Variants in ASPH observed in about 807,000 individuals in gnomAD.
The protein encoded by ASPH is aspartyl/asparaginyl beta-hydroxylase.
Under a neutral mutation model 118.4 loss-of-function variants are expected in ASPH, and 100 were observed. The ratio of observed to expected loss-of-function variants is 0.84; its 90% CI spans 0.72 to 1.00. The LOEUF (loss-of-function observed/expected upper bound fraction) is 1.00, where lower values mean the gene tolerates loss of function less well. ASPH is among the 50% of genes least tolerant of loss of function. The probability of loss-of-function intolerance (pLI) is 0.00; values close to 1 mark genes in which losing one functional copy is unlikely to be tolerated. For synonymous variants in ASPH, 315 were observed against 325.6 expected, an observed-to-expected ratio of 0.97 and a Z score of 0.35; for missense variants, 920 against 919.5, an observed-to-expected ratio of 1.00 and a Z score of -0.01.
chr8:61,650,614 T>C (rs921444009), intron 5 of ASPH, among the ~76,000 whole-genome samples: 6 of 152,218 alleles, frequency 3.9e-5, no homozygotes, highest in Non-Finnish European at 5.9e-5. Context: ...ACGTTTTTTT[T>C]CCTGTCTGCT....
intron 1 of ASPH, among the ~76,000 whole-genome samples, chr8:61,687,003 T>A (rs1326262098): frequency 6.6e-6 from 1 of 152,064 alleles, no homozygotes; most frequent in Non-Finnish European, 1.5e-5. Context: ...ATACCCAAGA[T>A]GATATTATTT....
chr8:61,564,965 C>T (rs1831184922), intron 17 of ASPH, among the ~76,000 whole-genome samples: 1 of 152,318 alleles, frequency 6.6e-6, no homozygotes, highest in South Asian at 2.1e-4. Flanking sequence ...TAGCTCCTTC[C>T]CTCCATGTTG....
intron 17 of ASPH, among the ~76,000 whole-genome samples, chr8:61,564,304 T>G (rs1830914122): frequency 6.6e-6 from 1 of 150,990 alleles, no homozygotes; most frequent in Non-Finnish European, 1.5e-5. Context: ...ATTCTTTTTT[T>G]TTTTTTTTTT....
At chr8:61,569,206 GCTGGAAA>G (rs1832729580) in intron 16 of ASPH, among the ~76,000 whole-genome samples, 2 of 152,164 alleles carry the variant, frequency 1.3e-5, no homozygotes. Context: ...AACATTCTTA[GCTGGAAA>G]CTGAGAATGG....
At position 61,524,077 on chromosome 8, in the gene ASPH, C is replaced by CCAAT. The variant is rs897342079; in HGVS notation, c.1900+1896_1900+1899dup. ...ACCTGGGCAAGAGAGCAAGATCCTG[C>CCAAT]CAATCAATCAATCAATGTTGAAGCA... is the stretch of plus-strand genomic sequence containing the variant. On this transcript the variant is annotated intron_variant, in intron 22 of 24. Transcript: ENST00000379454. Among the ~76,000 whole-genome samples the CCAAT allele has an allele frequency of 6.6e-5, 10 of 152,092 alleles. 1 individual carries two copies. The highest frequency in any genetic ancestry group is 1.5e-4 in the Non-Finnish European group (10 of 68,020).
At chr8:61,602,518 C>T (rs1844312297) in intron 14 of ASPH, among the ~76,000 whole-genome samples, 2 of 151,450 alleles carry the variant, frequency 1.3e-5, no homozygotes, top group South Asian at 2.1e-4. Flanking sequence ...CTGAATTCTA[C>T]CCTCTCCTGC....
At chr8:61,562,383 G>T (rs1451650604) in intron 18 of ASPH, among the ~76,000 whole-genome samples, 1 of 75,342 alleles carries the variant, frequency 1.3e-5, no homozygotes, top group Non-Finnish European at 2.6e-5. Context: ...AAAAAGGAAA[G>T]TGTGTCTGTG....
At chr8:61,617,947 A>AG (rs1315338541) in intron 14 of ASPH, among the ~76,000 whole-genome samples, 115 of 150,762 alleles carry the variant, frequency 7.6e-4, no homozygotes, top group Non-Finnish European at 9.7e-4. Flanking sequence ...AAAAAAAAAA[A>AG]AAAGAAAGAA....
chr8:61,626,325 C>G, intron 13 of ASPH: 3 of 1,481,902 alleles, frequency 2.0e-6, no homozygotes, highest in Non-Finnish European at 2.7e-6. Flanking sequence ...CAACCAGACA[C>G]AGACTGTGAA....
chr8:61,605,689 C>T (rs1342018953), intron 14 of ASPH, among the ~76,000 whole-genome samples: 1 of 152,128 alleles, frequency 6.6e-6, no homozygotes, highest in Non-Finnish European at 1.5e-5. Flanking sequence ...AAGAACAGGG[C>T]TCATAAGAGC....
chr8:61,577,362 C>A (rs200222932), intron 15 of ASPH, among the ~76,000 whole-genome samples: 9 of 57,406 alleles, frequency 1.6e-4, no homozygotes, highest in Non-Finnish European at 1.9e-4. Context: ...AATAAAATGA[C>A]AAAAAAAAAA....
chr8:61,714,345 G>T lies in ASPH; in HGVS notation c.27C>A (p.Ser9Arg). The change falls in exon 1 of 25, where the codon AGC (serine) becomes AGA (arginine). Residue 9 changes from serine to arginine, a missense_variant. Coordinates refer to ENST00000379454, the MANE Select transcript of ASPH (RefSeq NM_004318.4). ...AGCCGCTGCTGCTGCTGTTGCCGCT[G>T]CTCTTGGCATTCTTACGCTGGGCCA... MAQRKNAK[S>R]SGNSSSSGSG... 1 of 1,517,892 alleles carries T rather than the reference G, an allele frequency of 6.6e-7. No individual in the cohort carries two copies. The highest frequency in any genetic ancestry group is 1.2e-5 in the South Asian group (1 of 81,058). The allele number at this position is 1,517,892 out of a possible 1,614,324, so 94.0% of individuals were successfully genotyped here.
chr8:61,564,587 C>T (rs563155812), intron 17 of ASPH, among the ~76,000 whole-genome samples: 310 of 152,328 alleles, frequency 2.0e-3, no homozygotes, highest in African/African-American at 7.1e-3. Flanking sequence ...GCGTGAGCCA[C>T]TGCGTCCGGG....
intron 16 of ASPH, among the ~76,000 whole-genome samples, chr8:61,570,714 G>A (rs1254743843): frequency 2.6e-5 from 4 of 152,176 alleles, no homozygotes; most frequent in African/African-American, 9.6e-5. Context: ...TGTAGCATCT[G>A]TAGATAAAAC....
intron 13 of ASPH, chr8:61,632,605 G>T (rs1434745950): frequency 8.5e-6 from 4 of 468,786 alleles, no homozygotes; most frequent in African/African-American, 6.1e-5. Flanking sequence ...ATTTCTCCAT[G>T]GACTGCTTTT....
At chr8:61,506,577 T>C (rs530726721) in intron 24 of ASPH, among the ~76,000 whole-genome samples, 1 of 152,210 alleles carries the variant, frequency 6.6e-6, no homozygotes, top group South Asian at 2.1e-4. Flanking sequence ...AAGATGGAAA[T>C]TTATGGTCTT....
At chr8:61,692,394 T>C (rs1013667134) in intron 1 of ASPH, among the ~76,000 whole-genome samples, 2 of 152,232 alleles carry the variant, frequency 1.3e-5, no homozygotes, top group African/African-American at 4.8e-5. Context: ...TTTAAAACTT[T>C]AGCAAACGCA....
At chr8:61,644,697 T>C (rs995117079) in intron 6 of ASPH, 65 bp from the exon 7 acceptor site, 1 of 1,222,492 alleles carries the variant, frequency 8.2e-7, no homozygotes, top group Non-Finnish European at 1.1e-6. Context: ...ATATCCCGTA[T>C]ATGTACTCTG....
chr8:61,594,136 C>T (rs573791024), intron 14 of ASPH, among the ~76,000 whole-genome samples: 103 of 152,232 alleles, frequency 6.8e-4, no homozygotes, highest in African/African-American at 2.2e-3. Flanking sequence ...AACACTTTAA[C>T]AGTCCCCAAA....
Sources: gnomAD v4.1 joint callset for allele counts (sites outside exome capture counted in the v4.1 genomes callset) on GRCh38, gnomAD v4.1.1 for gene constraint, MANE v1.5 for transcripts, NCBI Gene and HGNC (gene_info 2026-07-23, HGNC 2026-07-21) for gene names.